The following PPP4R2 variants were observed in gnomAD, a reference collection of about 807,000 sequenced individuals.
PPP4R2 encodes protein phosphatase 4 regulatory subunit 2.
In PPP4R2, 13 loss-of-function variants were observed where a neutral mutation model predicts 47.2. That is an observed-to-expected ratio of 0.28 (90% CI 0.18 to 0.44). PPP4R2 has a LOEUF of 0.44. Ranked by LOEUF, PPP4R2 falls within the 20% of genes least tolerant of loss-of-function variation. The probability of loss-of-function intolerance (pLI) is 1.00; values close to 1 mark genes in which losing one functional copy is unlikely to be tolerated. For synonymous variants in PPP4R2, 151 were observed against 163.3 expected (o/e 0.92, Z 0.57); for missense variants, 421 against 491.2 (o/e 0.86, Z 1.35).
chr3:73,029,937 G>A (rs1468285766), intron 2 of PPP4R2, among the ~76,000 whole-genome samples: 4 of 152,186 alleles, frequency 2.6e-5, no homozygotes, highest in East Asian at 3.8e-4. Flanking sequence ...ATTGGAGTTC[G>A]TTGGTGATCT....
At chr3:73,002,386 G>C (rs1420621230) in intron 2 of PPP4R2, among the ~76,000 whole-genome samples, 1 of 152,074 alleles carries the variant, frequency 6.6e-6, no homozygotes, top group Admixed American at 6.6e-5. Context: ...GAATAGCTAG[G>C]ACTTACAGAT....
intron 2 of PPP4R2, among the ~76,000 whole-genome samples, chr3:73,021,371 C>G (rs1226250361): frequency 2.0e-5 from 3 of 151,790 alleles, no homozygotes; most frequent in African/African-American, 7.3e-5. Flanking sequence ...GTAGCTGGGA[C>G]TACAGATTTG....
chr3:73,017,144 C>G (rs1701857278), intron 2 of PPP4R2, among the ~76,000 whole-genome samples: 1 of 152,094 alleles, frequency 6.6e-6, no homozygotes, highest in African/African-American at 2.4e-5. Context: ...TGGTCCCAAG[C>G]TCTGGGCACA....
Position 72,998,134 on chromosome 3 carries a change from A to G in PPP4R2, c.92A>G (p.His31Arg). Residue 31 changes from histidine (H) to arginine (R), a missense_variant, in exon 2 of 9, where the codon CAT becomes CGT. By Grantham distance (29) the His-to-Arg change is conservative (BLOSUM62 0). Coordinates refer to ENST00000356692, the MANE Select transcript of PPP4R2 (RefSeq NM_174907.4). Reference protein sequence around the residue: ...VCPVLDQFLCHVAKTGETMIQ... With the variant: ...VCPVLDQFLCRVAKTGETMIQ... The stretch of plus-strand genomic sequence containing the variant: ...CCTGTCCTGGATCAGTTTCTTTGTC[A>G]TGTAGCCAAGACTGGAGAAACAATG... The G allele has an allele frequency of 6.2e-7, 1 of 1,609,330 alleles. No individual in the cohort carries two copies. The highest frequency in any genetic ancestry group is 8.5e-7 in the Non-Finnish European group (1 of 1,178,122).
intron 3 of PPP4R2, among the ~76,000 whole-genome samples, chr3:73,057,308 A>G (rs1271851831): frequency 6.6e-6 from 1 of 152,114 alleles, no homozygotes; most frequent in African/African-American, 2.4e-5. Context: ...AAGATGTATA[A>G]GCTTATTGTT....
At position 73,014,957 on chromosome 3, in the gene PPP4R2, A is replaced by G. The variant is rs754967047; in HGVS notation, c.116+16799A>G. On this transcript the variant is annotated intron_variant, in intron 2 of 8. Transcript: ENST00000356692. ...GGCCTCAAGTGATCCACCTGCCTCA[A>G]CTTCCCAAACTGCGGGGATTGCAGA... 13 of 693,348 alleles carry G rather than the reference A, an allele frequency of 1.9e-5. 1 individual carries two copies. Among genetic ancestry groups the G allele is most frequent in the Admixed American group, 1.4e-4 (7 of 49,032 alleles). The allele number at this position is 693,348 out of a possible 1,614,324, so 42.9% of individuals were successfully genotyped here. A position where few individuals can be genotyped will look rare whatever the true frequency, so the allele number is the denominator to read the frequency against.
At chr3:73,026,984 G>A (rs552269925) in intron 2 of PPP4R2, among the ~76,000 whole-genome samples, 3 of 152,204 alleles carry the variant, frequency 2.0e-5, no homozygotes, top group African/African-American at 2.4e-5. Context: ...AATAAAATGC[G>A]GAGAGTAGTA....
At chr3:73,014,811 G>T in intron 2 of PPP4R2, 1 of 403,150 alleles carries the variant, frequency 2.5e-6, no homozygotes, top group Non-Finnish European at 4.4e-6. Context: ...AGATTTGAAA[G>T]TGATAATATT....
Position 72,996,980 on chromosome 3 carries a change from T to C in PPP4R2, c.-58T>C. The C allele has an allele frequency of 7.8e-7, 1 of 1,280,504 alleles. No homozygotes were observed. Among genetic ancestry groups the C allele is most frequent in the Non-Finnish European group, 1.0e-6 (1 of 990,110 alleles). 79.3% of individuals were successfully genotyped at this position (1,280,504 alleles called of 1,614,324 possible). A position where few individuals can be genotyped will look rare whatever the true frequency, so the allele number is the denominator to read the frequency against. ...GCGTCGGGGGGGTGGGGGGAGGCGT[T>C]CCGGTCCCCAAGAGACCCGCGGAGG... On this transcript the variant is annotated 5_prime_UTR_variant, in exon 1 of 9. Transcript: ENST00000356692.
chr3:73,036,792 T>A (rs181901216), intron 2 of PPP4R2, among the ~76,000 whole-genome samples: 4 of 152,316 alleles, frequency 2.6e-5, no homozygotes, highest in Admixed American at 2.0e-4. Flanking sequence ...GGGATATACT[T>A]TAAAGTAGCA....
chr3:73,015,471 A>C (rs1375039968), intron 2 of PPP4R2, among the ~76,000 whole-genome samples: 4 of 141,618 alleles, frequency 2.8e-5, no homozygotes, highest in Non-Finnish European at 4.5e-5. Context: ...CACCGTGCCC[A>C]GCCTACTGTC....
chr3:73,054,422 A>G (rs1419362791), intron 3 of PPP4R2, among the ~76,000 whole-genome samples: 1 of 152,212 alleles, frequency 6.6e-6, no homozygotes, highest in African/African-American at 2.4e-5. Flanking sequence ...TGACTTTTGT[A>G]AGACTTTGTA....
chr3:73,007,778 C>T (rs554285924), intron 2 of PPP4R2, among the ~76,000 whole-genome samples: 15 of 152,244 alleles, frequency 9.9e-5, no homozygotes, highest in South Asian at 2.1e-4. Flanking sequence ...TGTGAGCCAC[C>T]GCGCCCGGCC....
intron 2 of PPP4R2, among the ~76,000 whole-genome samples, chr3:73,022,639 A>G (rs1482859580): frequency 1.3e-5 from 2 of 152,288 alleles, no homozygotes; most frequent in South Asian, 2.1e-4. Context: ...ATCCTATAAT[A>G]TCTTTGCTAC....
At chr3:73,000,255 A>G (rs1575832958) in intron 2 of PPP4R2, among the ~76,000 whole-genome samples, 2 of 152,162 alleles carry the variant, frequency 1.3e-5, no homozygotes, top group East Asian at 3.9e-4. Flanking sequence ...GATTGTTGGA[A>G]TGTGGGAGGT....
intron 2 of PPP4R2, among the ~76,000 whole-genome samples, chr3:73,031,980 T>A (rs1378674457): frequency 6.6e-6 from 1 of 152,202 alleles, no homozygotes; most frequent in African/African-American, 2.4e-5. Flanking sequence ...GTTTCACAGA[T>A]GGGGGAAACA....
intron 2 of PPP4R2, among the ~76,000 whole-genome samples, chr3:73,024,918 A>C (rs1290041712): frequency 6.6e-6 from 1 of 152,232 alleles, no homozygotes; most frequent in Non-Finnish European, 1.5e-5. Context: ...GTTGAGCTAC[A>C]CTACCAAGCC....
chr3:73,039,865 C>T (rs1436771713), intron 2 of PPP4R2, among the ~76,000 whole-genome samples: 1 of 152,126 alleles, frequency 6.6e-6, no homozygotes, highest in East Asian at 1.9e-4. Context: ...ACCAGCCTGG[C>T]CAACATGGCG....
chr3:73,001,541 TC>T (rs1701458230), intron 2 of PPP4R2, among the ~76,000 whole-genome samples: 2 of 152,206 alleles, frequency 1.3e-5, no homozygotes. Flanking sequence ...GCCACAGCAC[TC>T]CAGTCTGGGC....
Sources: gnomAD v4.1 joint callset for allele counts (sites outside exome capture counted in the v4.1 genomes callset) on GRCh38, gnomAD v4.1.1 for gene constraint, MANE v1.5 for transcripts, NCBI Gene and HGNC (gene_info 2026-07-23, HGNC 2026-07-21) for gene names.